Variants in DAPK2 observed in about 807,000 individuals in gnomAD.
The protein encoded by DAPK2 is death-associated protein kinase 2.
In DAPK2, 35 loss-of-function variants were observed where a neutral mutation model predicts 44.1. The observed-to-expected ratio is 0.79, with a 90% CI of 0.61 to 1.05. DAPK2 has a LOEUF of 1.05. Ranked by LOEUF, DAPK2 falls within the 50% of genes least tolerant of loss-of-function variation. The probability of loss-of-function intolerance (pLI) is 0.00; values close to 1 mark genes in which losing one functional copy is unlikely to be tolerated. For synonymous variants in DAPK2, 174 were observed against 182.6 expected, an observed-to-expected ratio of 0.95 and a Z score of 0.38; for missense variants, 453 against 483.2, an observed-to-expected ratio of 0.94 and a Z score of 0.59.
At chr15:63,924,610 G>A (rs77560710) in intron 8 of DAPK2, 20,069 of 542,182 alleles carry the variant, frequency 0.037, 622 homozygotes, top group South Asian at 0.11. Context: ...CTGAATTTGA[G>A]ACACACAAAC....
chr15:63,988,695 G>A (rs1470814490), intron 1 of DAPK2, among the ~76,000 whole-genome samples: 1 of 151,236 alleles, frequency 6.6e-6, no homozygotes, highest in Non-Finnish European at 1.5e-5. Flanking sequence ...TAGTAGAGAC[G>A]GGATTTCACC....
chr15:63,952,662 T>A (rs959931768), intron 3 of DAPK2, among the ~76,000 whole-genome samples: 3 of 152,082 alleles, frequency 2.0e-5, no homozygotes, highest in Non-Finnish European at 2.9e-5. Context: ...TTATTTATTT[T>A]TTTATTTTTG....
At chr15:63,921,993 T>A (rs2079086053) in intron 8 of DAPK2, 1 of 152,296 alleles carries the variant, frequency 6.6e-6, no homozygotes, top group Non-Finnish European at 1.5e-5. Flanking sequence ...TGGACTTTAA[T>A]ATTAAGGTAG....
intron 1 of DAPK2, among the ~76,000 whole-genome samples, chr15:63,989,188 CAAAAAAAA>C (rs55972299): frequency 2.9e-4 from 32 of 109,814 alleles, no homozygotes; most frequent in Non-Finnish European, 2.3e-4. Flanking sequence ...ACTTTGTCTC[CAAAAAAAA>C]AAAAAAAAAA....
chr15:63,927,772 G>A (rs1381351193), intron 6 of DAPK2, among the ~76,000 whole-genome samples: 1 of 148,316 alleles, frequency 6.7e-6, no homozygotes, highest in Non-Finnish European at 1.5e-5. Flanking sequence ...ACAGGGTCTT[G>A]CTCTGTTGCC....
chr15:63,994,653 C>T (rs1418150924), intron 1 of DAPK2, among the ~76,000 whole-genome samples: 1 of 147,824 alleles, frequency 6.8e-6, no homozygotes, highest in South Asian at 2.1e-4. Flanking sequence ...GCAATGGCTC[C>T]ATCTCGGCTC....
chr15:63,979,454 G>C (rs1219643525), intron 2 of DAPK2, among the ~76,000 whole-genome samples: 2 of 152,200 alleles, frequency 1.3e-5, no homozygotes, highest in Non-Finnish European at 2.9e-5. Context: ...AGGGGCAGTG[G>C]GATCAGCGTA....
chr15:64,011,379 A>G (rs1306783895), intron 1 of DAPK2, among the ~76,000 whole-genome samples: 3 of 152,112 alleles, frequency 2.0e-5, no homozygotes, highest in Admixed American at 6.5e-5. Flanking sequence ...GGCCAACATG[A>G]TGAAACCCCA....
In DAPK2 at chr15:63,908,317, C is replaced by A; in HGVS notation, c.*203G>T. ...TGGAGAATTAAGAGCTTTGGGAATG[C>A]TGGAGCCTCCTCCACAGAAGACAGC... is the stretch of plus-strand genomic sequence containing the variant. On this transcript the variant is annotated 3_prime_UTR_variant, in exon 11 of 11. Coordinates refer to ENST00000261891, the Ensembl canonical transcript of DAPK2. This position sits in a 1 kb window ranked among gnomAD's most constrained non-coding sequence, Gnocchi z 5.7. The A allele has an allele frequency of 2.4e-6, 1 of 413,104 alleles. No homozygotes were observed. The highest frequency in any genetic ancestry group is 4.3e-6 in the Non-Finnish European group (1 of 233,002). 25.6% of individuals were successfully genotyped at this position (413,104 alleles called of 1,614,324 possible).
chr15:63,928,747 ATC>A (rs1046420837), intron 6 of DAPK2, among the ~76,000 whole-genome samples: 1 of 152,194 alleles, frequency 6.6e-6, no homozygotes, highest in Non-Finnish European at 1.5e-5. Flanking sequence ...TATGCAGGAA[ATC>A]TCTGTCTAAG....
chr15:63,953,727 C>T (rs2077650824), intron 3 of DAPK2, among the ~76,000 whole-genome samples: 2 of 152,212 alleles, frequency 1.3e-5, no homozygotes, highest in South Asian at 4.1e-4. Flanking sequence ...TATTAACTTA[C>T]ATTCCCACCA....
At chr15:64,003,189 T>C (rs367564927) in intron 1 of DAPK2, among the ~76,000 whole-genome samples, 2 of 152,040 alleles carry the variant, frequency 1.3e-5, no homozygotes, top group African/African-American at 2.4e-5. Flanking sequence ...CCCTTGAGGA[T>C]AGAATGGACA....
chr15:63,925,416 C>T (rs1302637773), intron 7 of DAPK2, among the ~76,000 whole-genome samples: 1 of 152,012 alleles, frequency 6.6e-6, no homozygotes, highest in African/African-American at 2.4e-5. Flanking sequence ...CTCTGGGTAC[C>T]CAGCGCCCTG....
At chr15:64,012,655 T>C (rs2079417836) in intron 1 of DAPK2, among the ~76,000 whole-genome samples, 1 of 152,234 alleles carries the variant, frequency 6.6e-6, no homozygotes, top group East Asian at 1.9e-4. Context: ...TCTGATCCCA[T>C]CTGTGTATAT....
chr15:63,942,947 G>T (rs2077350647), intron 3 of DAPK2, among the ~76,000 whole-genome samples: 2 of 152,108 alleles, frequency 1.3e-5, no homozygotes, highest in South Asian at 4.1e-4. Context: ...TTGGGATAGA[G>T]CCTGATATCC....
chr15:64,016,112 G>T (rs931143547), intron 1 of DAPK2, among the ~76,000 whole-genome samples: 1 of 152,204 alleles, frequency 6.6e-6, no homozygotes, highest in African/African-American at 2.4e-5. Flanking sequence ...GGCTCCAGGG[G>T]ACTGCAGGTC....
intron 3 of DAPK2, among the ~76,000 whole-genome samples, chr15:63,971,134 C>G (rs1341139466): frequency 2.0e-4 from 30 of 152,180 alleles, no homozygotes; most frequent in Admixed American, 2.0e-3. Flanking sequence ...CACTGGTCTA[C>G]TTATTTAGAA....
At chr15:63,971,290 G>A in intron 3 of DAPK2, 133 bp downstream of exon 4, 1 of 1,123,772 alleles carries the variant, frequency 8.9e-7, no homozygotes, top group East Asian at 2.4e-5. Flanking sequence ...TCTTTCCCAT[G>A]AGCTCAGGGT....
chr15:64,042,475 G>C (rs1185160452), upstream of DAPK2, among the ~76,000 whole-genome samples: 1 of 152,196 alleles, frequency 6.6e-6, no homozygotes, highest in East Asian at 1.9e-4. The surrounding 1 kb of genome is among the most constrained non-coding windows in gnomAD (Gnocchi z 4.7). Context: ...GAAACCCTGA[G>C]AGTGGTCCCA....
Sources: gnomAD v4.1 joint callset for allele counts (sites outside exome capture counted in the v4.1 genomes callset) on GRCh38, gnomAD v4.1.1 for gene constraint, Gnocchi (gnomAD v3.1) non-coding constraint, MANE v1.5 for transcripts, NCBI Gene and HGNC (gene_info 2026-07-23, HGNC 2026-07-21) for gene names.